The following PLEKHG4 variants were observed in gnomAD, a reference collection of about 807,000 sequenced individuals.
PLEKHG4 encodes puratrophin-1.
In PLEKHG4, 85 loss-of-function variants were observed where a neutral mutation model predicts 136.9. That is an observed-to-expected ratio of 0.62 (90% CI 0.52 to 0.74). The LOEUF (loss-of-function observed/expected upper bound fraction) is 0.74. Among genes scored for constraint, PLEKHG4 ranks in the 30% least tolerant of loss-of-function variants. PLEKHG4 has a pLI of 0.00. For missense variants in PLEKHG4, 1,317 were observed against 1,527.8 expected (o/e 0.86, Z 2.30); for synonymous variants, 577 against 646.9 (o/e 0.89, Z 1.64).
At chr16:67,287,585 G>C (rs1012290405) in intron 18 of PLEKHG4, 19 of 495,372 alleles carry the variant, frequency 3.8e-5, no homozygotes, top group Non-Finnish European at 6.2e-5. Context: ...TTTCATAGAG[G>C]TCTCATTATA....
Position 67,280,180 on chromosome 16 carries a change from C to A in PLEKHG4, c.136C>A (p.Pro46Thr). ...EPASQMHVKD[P>T]GPPRPPAGAT... is the part of the protein sequence containing the mutation. ...TGCTTCCCAGATGCACGTTAAGGAC[C>A]CAGGTCCTCCAAGACCACCAGCCGG... Residue 46 changes from proline to threonine, a missense_variant, in exon 2 of 22, where the codon CCA becomes ACA. Coordinates refer to ENST00000379344, the MANE Select transcript of PLEKHG4 (RefSeq NM_001129729.3). The surrounding 1 kb of genome is among the most constrained non-coding windows in gnomAD (Gnocchi z 4.4). 6.2e-7 allele frequency: 1 copy of A among 1,613,900 alleles called. No homozygotes were observed. Among genetic ancestry groups the A allele is most frequent in the Non-Finnish European group, 8.5e-7 (1 of 1,179,978 alleles).
At position 67,285,378 on chromosome 16, in the gene PLEKHG4, C is replaced by G. The variant is rs1343099538; in HGVS notation, c.2284C>G (p.Leu762Val). Reference sequence around the variant, plus strand: ...CACTATGGAGAACTATTTCCCCGAGCTGGATCGCCCCGATGTGCCCCAGGG... The same window carrying G: ...CACTATGGAGAACTATTTCCCCGAGGTGGATCGCCCCGATGTGCCCCAGGG... ...EYTMENYFPE[L>V]DRPDVPQGLR... The change falls in exon 14 of 22, where the codon CTG becomes GTG. Residue 762 changes from leucine to valine, a missense_variant. Coordinates refer to ENST00000379344, the MANE Select transcript of PLEKHG4 (RefSeq NM_001129729.3). 1.2e-6 allele frequency: 2 copies of G among 1,614,098 alleles called. No homozygotes were observed. The highest frequency in any genetic ancestry group is 1.7e-6 in the Non-Finnish European group (2 of 1,180,044).
chr16:67,278,564 G>T (rs2036069766), upstream of PLEKHG4: 1 of 152,140 alleles, frequency 6.6e-6, no homozygotes, highest in Non-Finnish European at 1.5e-5. Flanking sequence ...ACCTCAAATC[G>T]CACAGCTACC....
intron 11 of PLEKHG4, among the ~76,000 whole-genome samples, chr16:67,283,868 A>C (rs1302825374): frequency 6.6e-6 from 1 of 152,024 alleles, no homozygotes; most frequent in Non-Finnish European, 1.5e-5. Context: ...CAGGATCCCC[A>C]GTGTTTAATG....
rs1009442958 is a variant in PLEKHG4 at position 67,282,054 on chromosome 16, C to T, written c.1051C>T (p.Leu351Phe). ...GAACTGCCAGGCAGCTTGTGCCCTG[C>T]TCCAGGGGGCCATCGAAAGTGTGAA... ...LQNCQAACAL[L>F]QGAIESVKAV... The change falls in exon 8 of 22, where the codon CTC becomes TTC. Residue 351 changes from leucine (L) to phenylalanine (F), a missense_variant. Physicochemically the swap from Leu to Phe is conservative, Grantham distance 22 (BLOSUM62 0). Coordinates refer to ENST00000379344, the MANE Select transcript of PLEKHG4 (RefSeq NM_001129729.3). 2 of 1,613,484 alleles carry T rather than the reference C, an allele frequency of 1.2e-6. No individual in the cohort carries two copies. Among genetic ancestry groups the T allele is most frequent in the East Asian group, 2.2e-5 (1 of 44,896 alleles).
At position 67,288,357 on chromosome 16, in the gene PLEKHG4, A is replaced by G. The variant is rs2036584767; in HGVS notation, c.3411A>G (p.Ala1137=). The part of the protein sequence containing the change: ...CPLYPSFPEE[A]ALEAEAELGG... ...TGTATCCCAGCTTCCCAGAGGAAGC[A>G]GCACTGGAGGCTGAGGCAGAGCTGG... Residue 1137 remains alanine, a synonymous_variant, in exon 20 of 22, where the codon GCA becomes GCG. Coordinates refer to ENST00000379344, the MANE Select transcript of PLEKHG4 (RefSeq NM_001129729.3). The G allele has an allele frequency of 6.2e-7, 1 of 1,611,824 alleles. No homozygotes were observed. The highest frequency in any genetic ancestry group is 8.5e-7 in the Non-Finnish European group (1 of 1,179,978).
In PLEKHG4 at chr16:67,281,080, C is replaced by T. The variant is rs2036196495; in HGVS notation, c.720-11C>T. ...GGGAGTCAGGTACTGAACTGAAGCTCACCCCTTTAGGCCCGAAGTACAGGC... is the reference window on the plus strand; with the variant it reads ...GGGAGTCAGGTACTGAACTGAAGCTTACCCCTTTAGGCCCGAAGTACAGGC... On this transcript the variant is annotated splice_polypyrimidine_tract_variant and intron_variant, in intron 4 of 21. Coordinates refer to ENST00000379344, the MANE Select transcript of PLEKHG4 (RefSeq NM_001129729.3). The T allele has an allele frequency of 6.2e-7, 1 of 1,613,984 alleles. No homozygotes were observed. Among genetic ancestry groups the T allele is most frequent in the Non-Finnish European group, 8.5e-7 (1 of 1,179,880 alleles).
chr16:67,282,119 C>T lies in PLEKHG4; in HGVS notation c.1104+12C>T, dbSNP rs952327734. The T allele has an allele frequency of 1.9e-6, 3 of 1,612,854 alleles. No individual in the cohort carries two copies. Among genetic ancestry groups the T allele is most frequent in the Non-Finnish European group, 2.5e-6 (3 of 1,179,460 alleles). On this transcript the variant is annotated intron_variant, in intron 8 of 21. Coordinates refer to ENST00000379344, the MANE Select transcript of PLEKHG4 (RefSeq NM_001129729.3). ...CCATGGAGCCTGGGGTGAGTGTCCC[C>T]TCCCAGTCCCTCCATGAATGCTCCC...
In PLEKHG4 at chr16:67,286,560, G is replaced by T. The variant is rs773060988; in HGVS notation, c.2648G>T (p.Gly883Val). 7 of 1,564,640 alleles carry T rather than the reference G, an allele frequency of 4.5e-6. No individual in the cohort carries two copies. The highest frequency in any genetic ancestry group is 1.9e-5 in the Admixed American group (1 of 52,238). The change falls in exon 16 of 22, where the codon GGC (glycine) becomes GTC (valine). Residue 883 changes from glycine to valine, a missense_variant. Gly to Val is a moderately radical substitution (Grantham distance 109). Coordinates refer to ENST00000379344, the MANE Select transcript of PLEKHG4 (RefSeq NM_001129729.3). ...CAGGAGCTGGCACGGGCCTGCGGGG[G>T]CCCCACGCAGGAGCTCAGTGCGCTG... ...LLQELARACG[G>V]PTQELSALRE... is the part of the protein sequence containing the mutation.
rs761190262 is a variant in PLEKHG4 at position 67,285,276 on chromosome 16, C to G, written c.2196-14C>G. ...GGAGAGATGTCTTGGGTCCTGACTC[C>G]CCATACCTGGTAGGCTACAGCTGGT... On this transcript the variant is annotated splice_polypyrimidine_tract_variant and intron_variant, in intron 13 of 21. Transcript: ENST00000379344. 1 of 1,613,882 alleles carries G rather than the reference C, an allele frequency of 6.2e-7. No individual in the cohort carries two copies. The highest frequency in any genetic ancestry group is 8.5e-7 in the Non-Finnish European group (1 of 1,179,936).
In PLEKHG4 at chr16:67,279,934, C is replaced by A; in HGVS notation, c.-111C>A. 8.9e-7 allele frequency: 1 copy of A among 1,127,576 alleles called. No homozygotes were observed. The allele number at this position is 1,127,576 out of a possible 1,614,324, so 69.8% of individuals were successfully genotyped here. ...GACTGGCACCTCCTGCGGCCCATGC[C>A]CTTCGCCTGCATTGCCCACTGAGTC... is the stretch of plus-strand genomic sequence containing the variant. On this transcript the variant is annotated 5_prime_UTR_variant, in exon 2 of 22. Coordinates refer to ENST00000379344, the MANE Select transcript of PLEKHG4 (RefSeq NM_001129729.3).
At position 67,287,904 on chromosome 16, in the gene PLEKHG4, G is replaced by T; in HGVS notation, c.3110G>T (p.Arg1037Leu). ...WRQAVHNKEVRMAEMVSMGVG... is the reference protein window; with the variant it reads ...WRQAVHNKEVLMAEMVSMGVG... ...ATGTCCACTCTCCACCCAGAGGTGC[G>T]CATGGCTGAGATGGTGTCCATGGGT... Residue 1037 changes from arginine (R) to leucine (L), a missense_variant, in exon 19 of 22, where the codon CGC (arginine) becomes CTC (leucine). Transcript: ENST00000379344. 1 of 1,607,248 alleles carries T rather than the reference G, an allele frequency of 6.2e-7. No homozygotes were observed. Among genetic ancestry groups the T allele is most frequent in the Non-Finnish European group, 8.5e-7 (1 of 1,173,656 alleles).
chr16:67,278,685 G>A (rs1226519578), upstream of PLEKHG4: 1 of 152,240 alleles, frequency 6.6e-6, no homozygotes, highest in Non-Finnish European at 1.5e-5. Flanking sequence ...AACACAGGGA[G>A]TCTTCCCCAG....
intron 15 of PLEKHG4, 26 bp from the exon 16 acceptor site, chr16:67,286,419 C>G (rs371902939): frequency 6.2e-7 from 1 of 1,610,736 alleles, no homozygotes; most frequent in African/African-American, 1.3e-5. Context: ...CCCCAAACCA[C>G]TCAGTGGCCT....
At position 67,282,867 on chromosome 16, in the gene PLEKHG4, GGTCACTT is replaced by G; in HGVS notation, c.1509+12_1509+18del. 1 of 1,596,094 alleles carries G rather than the reference GGTCACTT, an allele frequency of 6.3e-7. No individual in the cohort carries two copies. The highest frequency in any genetic ancestry group is 1.7e-4 in the Middle Eastern group (1 of 6,032). On this transcript the variant is annotated intron_variant, in intron 11 of 21. Coordinates refer to ENST00000379344, the MANE Select transcript of PLEKHG4 (RefSeq NM_001129729.3). ...TGTACCAGGTTGCCCAGGTATATGT[GGTCACTT>G]GTTCATGCCACGGGTATTGGGATGC...
upstream of PLEKHG4, chr16:67,279,222 G>C (rs2142415992): frequency 6.6e-6 from 1 of 152,176 alleles, no homozygotes; most frequent in South Asian, 2.1e-4. Context: ...GAGTGGGCAC[G>C]GTGGAGCTGC....
rs2036186796 is a variant in PLEKHG4, at chr16:67,280,936, C to G, written c.650C>G (p.Ala217Gly). 1 of 1,613,322 alleles carries G rather than the reference C, an allele frequency of 6.2e-7. No homozygotes were observed. Among genetic ancestry groups the G allele is most frequent in the Admixed American group, 1.7e-5 (1 of 60,026 alleles). Reference sequence around the variant, plus strand: ...CTGCTTCTGTGTGCCCACAGCCCAGCCTGGCTTCAGTCTGAGTGCAGCAGC... The same window carrying G: ...CTGCTTCTGTGTGCCCACAGCCCAGGCTGGCTTCAGTCTGAGTGCAGCAGC... ...AVLLLCAHSP[A>G]WLQSECSSQE... The change falls in exon 4 of 22, where the codon GCC becomes GGC. Residue 217 changes from alanine (A) to glycine (G), a missense_variant. By Grantham distance (60) the Ala-to-Gly change is moderately conservative (BLOSUM62 0). Coordinates refer to ENST00000379344, the MANE Select transcript of PLEKHG4 (RefSeq NM_001129729.3). The surrounding 1 kb of genome is among the most constrained non-coding windows in gnomAD (Gnocchi z 4.4).
At position 67,288,887 on chromosome 16, in the gene PLEKHG4, G is replaced by A. The variant is rs2036616427; in HGVS notation, c.*79G>A. ...GCCTCTCTGGATCTGCTGTGACCAGGGTGTGGCTGACACCTGGGCTACCTC... is the reference window on the plus strand; with the variant it reads ...GCCTCTCTGGATCTGCTGTGACCAGAGTGTGGCTGACACCTGGGCTACCTC... On this transcript the variant is annotated 3_prime_UTR_variant, in exon 22 of 22. Coordinates refer to ENST00000379344, the MANE Select transcript of PLEKHG4 (RefSeq NM_001129729.3). 6.5e-7 allele frequency: 1 copy of A among 1,530,560 alleles called. No individual in the cohort carries two copies. Among genetic ancestry groups the A allele is most frequent in the Non-Finnish European group, 9.0e-7 (1 of 1,114,832 alleles). 94.8% of individuals were successfully genotyped at this position (1,530,560 alleles called of 1,614,324 possible). A position where few individuals can be genotyped will look rare whatever the true frequency, so the allele number is the denominator to read the frequency against.
chr16:67,280,780 T>C lies in PLEKHG4; in HGVS notation c.569T>C (p.Leu190Pro), dbSNP rs1475650641. 6.2e-7 allele frequency: 1 copy of C among 1,614,090 alleles called. No homozygotes were observed. ...GCCCAAGACCTCTGTTGGGAGCTGC[T>C]GGCCAGTGGTATGGCCACCTTGCCA... ...LLAQDLCWEL[L>P]ASGMATLPGT... The change falls in exon 3 of 22, where the codon CTG becomes CCG. Residue 190 changes from leucine to proline, a missense_variant. Physicochemically the swap from Leu to Pro is moderately conservative, Grantham distance 98. Transcript: ENST00000379344. The surrounding 1 kb of genome is among the most constrained non-coding windows in gnomAD (Gnocchi z 4.4).
Sources: allele counts gnomAD v4.1 joint callset (sites outside exome capture counted in the v4.1 genomes callset), GRCh38; gene constraint gnomAD v4.1.1; non-coding constraint Gnocchi (gnomAD v3.1); transcripts MANE v1.5; gene names NCBI Gene and HGNC (gene_info 2026-07-23, HGNC 2026-07-21).